Variants in TSPOAP1 observed in about 807,000 individuals in gnomAD.
TSPOAP1 encodes the protein peripheral-type benzodiazepine receptor-associated protein 1.
Under a neutral mutation model 197.0 loss-of-function variants are expected in TSPOAP1, and 87 were observed. The ratio of observed to expected loss-of-function variants is 0.44; its 90% CI spans 0.37 to 0.53. TSPOAP1 has a LOEUF of 0.53. TSPOAP1 is among the 20% of genes least tolerant of loss of function. TSPOAP1 has a pLI of 0.00. For missense variants in TSPOAP1, 2,174 were observed against 2,411.3 expected (o/e 0.90, Z 2.06); for synonymous variants, 913 against 998.9 (o/e 0.91, Z 1.62).
rs1412006479 is a variant in TSPOAP1 at position 58,301,971 on chromosome 17, G to A, written c.*509C>T. 8.2e-6 allele frequency: 2 copies of A among 245,284 alleles called. No individual in the cohort carries two copies. The highest frequency in any genetic ancestry group is 1.6e-5 in the Non-Finnish European group (2 of 122,820). 15.2% of individuals were successfully genotyped at this position (245,284 alleles called of 1,614,324 possible). A position where few individuals can be genotyped will look rare whatever the true frequency, so the allele number is the denominator to read the frequency against. ...TGGGACACTAGTAGACGAGGTGGGT[G>A]GACCAGGACGCGAGGGTCCTGGGTC... is the stretch of plus-strand genomic sequence containing the variant. On this transcript the variant is annotated 3_prime_UTR_variant, in exon 32 of 32. Coordinates refer to ENST00000343736, the MANE Select transcript of TSPOAP1 (RefSeq NM_004758.4).
Position 58,309,842 on chromosome 17 carries a change from G to T in TSPOAP1, c.3891+125C>A. Reference sequence around the variant, plus strand: ...CACTTCCTATCTTCTGCTTAGGACAGGGCCCAGGCCACAGACCTAGAATGT... The same window carrying T: ...CACTTCCTATCTTCTGCTTAGGACATGGCCCAGGCCACAGACCTAGAATGT... On this transcript the variant is annotated intron_variant, in intron 21 of 31. Transcript: ENST00000343736. The surrounding 1 kb of genome is among the most constrained non-coding windows in gnomAD (Gnocchi z 5.0). The T allele has an allele frequency of 7.7e-7, 1 of 1,296,402 alleles. No homozygotes were observed. The highest frequency in any genetic ancestry group is 1.5e-5 in the African/African-American group (1 of 67,710). 80.3% of individuals were successfully genotyped at this position (1,296,402 alleles called of 1,614,324 possible). A position where few individuals can be genotyped will look rare whatever the true frequency, so the allele number is the denominator to read the frequency against.
At chr17:58,306,662 G>A (rs1202316753) in intron 25 of TSPOAP1, 138 bp downstream of exon 25, 1 of 1,147,888 alleles carries the variant, frequency 8.7e-7, no homozygotes. Flanking sequence ...CCACTACGCA[G>A]CAGGGTTCAA....
Position 58,306,380 on chromosome 17 carries a change from G to A in TSPOAP1, c.5186C>T (p.Thr1729Ile). ...GCGGGGCTTGGGAGGAGGCCCAGTT[G>A]TGTGGGCTGTGGAGTACACAAACGG... ...NGPFVYSTAHTTGPPPKPRRS... is the reference protein window; with the variant it reads ...NGPFVYSTAHITGPPPKPRRS... The change falls in exon 26 of 32, where the codon ACA becomes ATA. Residue 1729 changes from threonine (T) to isoleucine (I), a missense_variant. Coordinates refer to ENST00000343736, the MANE Select transcript of TSPOAP1 (RefSeq NM_004758.4). The A allele has an allele frequency of 6.4e-7, 1 of 1,555,286 alleles. No individual in the cohort carries two copies. Among genetic ancestry groups the A allele is most frequent in the East Asian group, 2.4e-5 (1 of 41,260 alleles).
chr17:58,325,426 C>T, intron 4 of TSPOAP1, 108 bp downstream of exon 4: 2 of 1,440,056 alleles, frequency 1.4e-6, no homozygotes, highest in Admixed American at 4.0e-5. Flanking sequence ...CAGCAACCTC[C>T]ACCCTCCCTT....
rs777495624 is a variant in TSPOAP1 at position 58,327,855 on chromosome 17, G to A, written c.66C>T (p.Pro22=). The A allele has an allele frequency of 1.2e-6, 2 of 1,613,640 alleles. No homozygotes were observed. Among genetic ancestry groups the A allele is most frequent in the South Asian group, 2.2e-5 (2 of 91,078 alleles). Residue 22 remains proline (P), a synonymous_variant, in exon 1 of 32, where the codon CCC becomes CCT. Transcript: ENST00000343736. ...DPGAMEPWAL[P]TWHSWTPGRG... is the part of the protein sequence containing the mutation. The stretch of plus-strand genomic sequence containing the variant: ...GACCTGGAGTCCAGCTATGCCAGGT[G>A]GGCAGTGCCCATGGCTCCATGGCTC...
In TSPOAP1 at chr17:58,310,130, T is replaced by G. The variant is rs1971035571; in HGVS notation, c.3728A>C (p.His1243Pro). The part of the protein sequence containing the change: ...EKEDTAELGV[H>P]LVNSLVDHGR... ...GTGGTCCACGAGGGAGTTCACCAGA[T>G]GAACCCCAAGCTCTGCTGTGTCCTC... Residue 1243 changes from histidine (H) to proline (P), a missense_variant, in exon 21 of 32, where the codon CAT becomes CCT. His to Pro is a moderately conservative substitution (Grantham distance 77). Coordinates refer to ENST00000343736, the MANE Select transcript of TSPOAP1 (RefSeq NM_004758.4). 4 of 1,613,096 alleles carry G rather than the reference T, an allele frequency of 2.5e-6. No individual in the cohort carries two copies. The highest frequency in any genetic ancestry group is 3.4e-6 in the Non-Finnish European group (4 of 1,179,998).
chr17:58,326,129 C>T lies in TSPOAP1; in HGVS notation c.570+164G>A, dbSNP rs566325593. ...GCTCCAGAAACCTTTGGCCTCCTTG[C>T]CTGGCCAGCCTCTGCCCTTCCTGCA... is the stretch of plus-strand genomic sequence containing the variant. On this transcript the variant is annotated intron_variant, in intron 3 of 31. Coordinates refer to ENST00000343736, the MANE Select transcript of TSPOAP1 (RefSeq NM_004758.4). The surrounding 1 kb of genome is among the most constrained non-coding windows in gnomAD (Gnocchi z 4.7). Among the ~76,000 whole-genome samples, 1 of 152,306 alleles carries T rather than the reference C, an allele frequency of 6.6e-6. No homozygotes were observed. Among genetic ancestry groups the T allele is most frequent in the South Asian group, 2.1e-4 (1 of 4,832 alleles).
rs1232117625 is a variant in TSPOAP1 at position 58,324,951 on chromosome 17, A to G, written c.802T>C (p.Ser268Pro). 5 of 1,539,758 alleles carry G rather than the reference A, an allele frequency of 3.2e-6. No homozygotes were observed. ...TGCAGCCGCAGCACCTCCCGCTGGG[A>G]CTCGCGCAGCAGCCGATCGAAGTCC... ...VRDFDRLLRE[S>P]QREVLRLQRQ... Residue 268 changes from serine to proline, a missense_variant, in exon 5 of 32, where the codon TCC becomes CCC. By Grantham distance (74) the Ser-to-Pro change is moderately conservative. Coordinates refer to ENST00000343736, the MANE Select transcript of TSPOAP1 (RefSeq NM_004758.4). This position sits in a 1 kb window ranked among gnomAD's most constrained non-coding sequence, Gnocchi z 5.8.
Position 58,308,818 on chromosome 17 carries a change from C to G in TSPOAP1, c.4454G>C (p.Gly1485Ala), listed in dbSNP as rs772175078. Residue 1485 changes from glycine (G) to alanine (A), a missense_variant, in exon 22 of 32, where the codon GGC becomes GCC. Around this residue, in one of 5 missense-constraint regions of TSPOAP1, gnomAD observed 1,933 missense variants for 2,139.0 expected, o/e 0.90. Coordinates refer to ENST00000343736, the MANE Select transcript of TSPOAP1 (RefSeq NM_004758.4). ...RCSRGRALEP[G>A]LASCLSPKCL... ...CTTGGGGGAAAGGCAGCTGGCCAGGCCAGGCTCCAGCGCCCGGCCACGGGA... is the reference window on the plus strand; with the variant it reads ...CTTGGGGGAAAGGCAGCTGGCCAGGGCAGGCTCCAGCGCCCGGCCACGGGA... The G allele has an allele frequency of 1.2e-6, 2 of 1,612,728 alleles. No homozygotes were observed. The highest frequency in any genetic ancestry group is 8.5e-7 in the Non-Finnish European group (1 of 1,179,812).
rs963600013 is a variant in TSPOAP1, at chr17:58,326,551, C to T, written c.442-130G>A. The T allele has an allele frequency of 3.9e-6, 6 of 1,537,380 alleles. No individual in the cohort carries two copies. In the African/African-American group the frequency reaches 8.2e-5, roughly 21 times the overall value. The stretch of plus-strand genomic sequence containing the variant: ...TTGGCAACTCTAGGCAGGGGTTCAC[C>T]CTCTCTGGGTCTCAGGATTTTGTCA... On this transcript the variant is annotated intron_variant, in intron 2 of 31. Transcript: ENST00000343736. The surrounding 1 kb of genome is among the most constrained non-coding windows in gnomAD (Gnocchi z 4.7).
At position 58,316,478 on chromosome 17, in the gene TSPOAP1, C is replaced by A. The variant is rs374500504; in HGVS notation, c.1935G>T (p.Ala645=). 1.9e-6 allele frequency: 3 copies of A among 1,613,772 alleles called. No individual in the cohort carries two copies. Among genetic ancestry groups the A allele is most frequent in the Non-Finnish European group, 2.5e-6 (3 of 1,179,822 alleles). ...EADSVSLLPA[A]PEGSRGGARI... The stretch of plus-strand genomic sequence containing the variant: ...TGGCTCCTCCCCGGCTGCCCTCTGG[C>A]GCAGCTGGGAGCAGGGAGACACTGT... Residue 645 remains alanine (A), a synonymous_variant, in exon 15 of 32, where the codon GCG becomes GCT. Transcript: ENST00000343736.
chr17:58,306,852 C>T lies in TSPOAP1; in HGVS notation c.5100G>A (p.Gln1700=), dbSNP rs1179350509. 1.9e-6 allele frequency: 3 copies of T among 1,613,664 alleles called. No homozygotes were observed. The highest frequency in any genetic ancestry group is 2.5e-6 in the Non-Finnish European group (3 of 1,180,002). Reference sequence around the variant, plus strand: ...ACAAATAACCCCGCTGGAGCAGTTGCTGTCTCCCAGCAGGGCTGTCCACAG... The same window carrying T: ...ACAAATAACCCCGCTGGAGCAGTTGTTGTCTCCCAGCAGGGCTGTCCACAG... The part of the protein sequence containing the change: ...EVAVDSPAGR[Q]QLLQRGYLSP... The change falls in exon 25 of 32, where the codon CAG becomes CAA. Residue 1700 remains glutamine (Q), a synonymous_variant. Transcript: ENST00000343736.
At position 58,327,544 on chromosome 17, in the gene TSPOAP1, G is replaced by A. The variant is rs377515319; in HGVS notation, c.333+44C>T. On this transcript the variant is annotated intron_variant, in intron 1 of 31. Coordinates refer to ENST00000343736, the MANE Select transcript of TSPOAP1 (RefSeq NM_004758.4). ...CTGGCCAGGCTGGAGGACATGGTGA[G>A]AGACCCCCACCTTGCAGACCCCAGC... is the stretch of plus-strand genomic sequence containing the variant. 161 of 1,572,064 alleles carry A rather than the reference G, an allele frequency of 1.0e-4. 1 individual carries two copies. The highest frequency in any genetic ancestry group is 1.3e-4 in the Non-Finnish European group (151 of 1,154,710).
In TSPOAP1 at chr17:58,304,753, T is replaced by G; in HGVS notation, c.5544+308A>C. The G allele has an allele frequency of 1.7e-6, 1 of 576,524 alleles. No homozygotes were observed. The highest frequency in any genetic ancestry group is 3.2e-6 in the Non-Finnish European group (1 of 316,674). The allele number at this position is 576,524 out of a possible 1,614,324, so 35.7% of individuals were successfully genotyped here. ...AACAGGGACTTTGATTGGCCACAGG[T>G]GTGAGGCAGAGGGGTCCTTTTCCAC... On this transcript the variant is annotated intron_variant, in intron 30 of 31. Transcript: ENST00000343736. This position sits in a 1 kb window ranked among gnomAD's most constrained non-coding sequence, Gnocchi z 4.2.
Position 58,328,219 on chromosome 17 carries a change from C to G in TSPOAP1, c.-299G>C. On this transcript the variant is annotated 5_prime_UTR_variant, in exon 1 of 32. Transcript: ENST00000343736. This position sits in a 1 kb window ranked among gnomAD's most constrained non-coding sequence, Gnocchi z 4.3. ...GGTAGGGAGGATGTGCAGAGGCCAC[C>G]GACAGCTGCGCCTGGGTGAGGGTGC... The G allele has an allele frequency of 2.2e-6, 1 of 444,628 alleles. No homozygotes were observed. The highest frequency in any genetic ancestry group is 4.2e-6 in the Non-Finnish European group (1 of 240,814). 27.5% of individuals were successfully genotyped at this position (444,628 alleles called of 1,614,324 possible).
rs1970827933 is a variant in TSPOAP1 at position 58,304,819 on chromosome 17, T to G, written c.5544+242A>C. The G allele has an allele frequency of 1.6e-6, 1 of 629,834 alleles. No homozygotes were observed. Among genetic ancestry groups the G allele is most frequent in the Admixed American group, 2.2e-5 (1 of 44,572 alleles). The allele number at this position is 629,834 out of a possible 1,614,324, so 39.0% of individuals were successfully genotyped here. A position where few individuals can be genotyped will look rare whatever the true frequency, so the allele number is the denominator to read the frequency against. On this transcript the variant is annotated intron_variant, in intron 30 of 31. Coordinates refer to ENST00000343736, the MANE Select transcript of TSPOAP1 (RefSeq NM_004758.4). The surrounding 1 kb of genome is among the most constrained non-coding windows in gnomAD (Gnocchi z 4.2). ...GCGTCAGCCACCAGGTGTTGGCAGCTGGCGAGATGGCCTGAGGGTCAGGGT... is the reference window on the plus strand; with the variant it reads ...GCGTCAGCCACCAGGTGTTGGCAGCGGGCGAGATGGCCTGAGGGTCAGGGT...
At chr17:58,321,813 T>C (rs1971412830) in intron 10 of TSPOAP1, among the ~76,000 whole-genome samples, 1 of 152,200 alleles carries the variant, frequency 6.6e-6, no homozygotes, top group Admixed American at 6.5e-5. Context: ...CCACTTAGGA[T>C]CTTTCAGGAG....
In TSPOAP1 at chr17:58,302,133, G is replaced by C. The variant is rs1598051207; in HGVS notation, c.*347C>G. On this transcript the variant is annotated 3_prime_UTR_variant, in exon 32 of 32. Transcript: ENST00000343736. ...GCTCTGACCTTCACCAAGGCTCTTT[G>C]ATTCCCTCTGAATGCCACAGTGTTA... 4 of 798,296 alleles carry C rather than the reference G, an allele frequency of 5.0e-6. No homozygotes were observed. Among genetic ancestry groups the C allele is most frequent in the African/African-American group, 3.7e-5 (2 of 54,632 alleles). 49.5% of individuals were successfully genotyped at this position (798,296 alleles called of 1,614,324 possible).
At position 58,301,279 on chromosome 17, in the gene TSPOAP1, T is replaced by G. The variant is rs892358121; in HGVS notation, c.*1201A>C. ...TAATAAAATGTCTTTTTAAACAAAT[T>G]CCCCCACCATTCCACACCCCTGGAG... is the stretch of plus-strand genomic sequence containing the variant. On this transcript the variant is annotated 3_prime_UTR_variant, in exon 32 of 32. Coordinates refer to ENST00000343736, the MANE Select transcript of TSPOAP1 (RefSeq NM_004758.4). 2 of 152,424 alleles carry G rather than the reference T, an allele frequency of 1.3e-5. No homozygotes were observed. Among genetic ancestry groups the G allele is most frequent in the Non-Finnish European group, 2.9e-5 (2 of 68,026 alleles). 9.4% of individuals were successfully genotyped at this position (152,424 alleles called of 1,614,324 possible). A position where few individuals can be genotyped will look rare whatever the true frequency, so the allele number is the denominator to read the frequency against.
Sources: gnomAD v4.1 joint callset for allele counts (sites outside exome capture counted in the v4.1 genomes callset) on GRCh38, gnomAD v4.1.1 for gene constraint, gnomAD v4.1.1 regional missense constraint, Gnocchi (gnomAD v3.1) non-coding constraint, MANE v1.5 for transcripts, NCBI Gene and HGNC (gene_info 2026-07-23, HGNC 2026-07-21) for gene names.